Variants in SIPA1L3 observed in about 807,000 individuals in gnomAD.
SIPA1L3 encodes signal induced proliferation associated 1 like 3.
In SIPA1L3, 59 loss-of-function variants were observed where a neutral mutation model predicts 150.1. That is an observed-to-expected ratio of 0.39 (90% CI 0.32 to 0.49). The LOEUF (loss-of-function observed/expected upper bound fraction) is 0.49, where lower values mean the gene tolerates loss of function less well. SIPA1L3 is among the 20% of genes least tolerant of loss of function. SIPA1L3 has a pLI of 0.86. For synonymous variants in SIPA1L3, 1,070 were observed against 1,077.6 expected (o/e 0.99, Z 0.14); for missense variants, 2,211 against 2,489.5 (o/e 0.89, Z 2.38).
At chr19:38,106,426 A>G (rs1447294006) in intron 6 of SIPA1L3, 111 bp from the exon 7 acceptor site, 1 of 783,326 alleles carries the variant, frequency 1.3e-6, no homozygotes, top group Non-Finnish European at 2.3e-6. Flanking sequence ...AATTTTTAAG[A>G]GTAGATTGAA....
At chr19:38,145,161 A>G (rs1192252763) in intron 12 of SIPA1L3, among the ~76,000 whole-genome samples, 1 of 152,036 alleles carries the variant, frequency 6.6e-6, no homozygotes. Context: ...GTTTTCTCCT[A>G]AAGTCTTGGT....
intron 17 of SIPA1L3, 121 bp from the exon 18 acceptor site, chr19:38,193,416 A>G (rs1314319799): frequency 5.1e-6 from 6 of 1,183,202 alleles, no homozygotes; most frequent in Non-Finnish European, 6.5e-6. Flanking sequence ...GAAATGGGGC[A>G]GAAATGGATG....
Position 38,168,517 on chromosome 19 carries a change from G to T in SIPA1L3, c.4208+3611G>T, listed in dbSNP as rs189479923. On this transcript the variant is annotated intron_variant, in intron 15 of 21. Coordinates refer to ENST00000222345, the MANE Select transcript of SIPA1L3 (RefSeq NM_015073.3). ...TGTGGAAAAAAAAACAAAAACCTGT[G>T]CCACGAAGAGGGACATGAAGCCAAG... 4.4e-3 allele frequency among the ~76,000 whole-genome samples: 666 copies of T among 152,132 alleles called. 13 individuals are homozygous for T. The highest frequency in any genetic ancestry group is 0.04 in the Admixed American group (611 of 15,264).
chr19:38,137,819 A>G (rs1971468524), intron 10 of SIPA1L3, among the ~76,000 whole-genome samples: 1 of 152,060 alleles, frequency 6.6e-6, no homozygotes, highest in African/African-American at 2.4e-5. Context: ...CTCTTAGCCC[A>G]AGATGAAGCC....
At chr19:38,041,255 C>T (rs180878095) in intron 2 of SIPA1L3, among the ~76,000 whole-genome samples, 3,485 of 147,450 alleles carry the variant, frequency 0.024, 69 homozygotes, top group Middle Eastern at 0.081. Flanking sequence ...TACAGGCACC[C>T]GCCAACACGC....
At chr19:38,141,710 C>A (rs376519495) in intron 11 of SIPA1L3, among the ~76,000 whole-genome samples, 1 of 152,166 alleles carries the variant, frequency 6.6e-6, no homozygotes, top group African/African-American at 2.4e-5. Context: ...AGGCTGGGCA[C>A]GGTGGCTCAC....
At chr19:37,976,312 G>A (rs1029599366) in intron 1 of SIPA1L3, among the ~76,000 whole-genome samples, 2 of 152,160 alleles carry the variant, frequency 1.3e-5, no homozygotes, top group African/African-American at 4.8e-5. Context: ...GTGGAAAGAT[G>A]GCTGCTCTTG....
chr19:38,018,764 A>G (rs530786820), intron 1 of SIPA1L3, among the ~76,000 whole-genome samples: 3 of 152,140 alleles, frequency 2.0e-5, no homozygotes, highest in Non-Finnish European at 4.4e-5. Flanking sequence ...CACTGAACTT[A>G]TATATGTACC....
chr19:37,959,685 C>G, intron 1 of SIPA1L3, among the ~76,000 whole-genome samples: 1 of 152,168 alleles, frequency 6.6e-6, no homozygotes, highest in Non-Finnish European at 1.5e-5. Context: ...GGATTAACAT[C>G]TGTCATTTTT....
At chr19:37,953,146 C>T (rs993167222) in intron 1 of SIPA1L3, among the ~76,000 whole-genome samples, 4 of 152,202 alleles carry the variant, frequency 2.6e-5, no homozygotes, top group African/African-American at 9.7e-5. Context: ...ATGGCGTGAA[C>T]CCGCATTCTC....
chr19:37,988,040 G>A (rs573284515), intron 1 of SIPA1L3, among the ~76,000 whole-genome samples: 1 of 152,230 alleles, frequency 6.6e-6, no homozygotes, highest in African/African-American at 2.4e-5. Context: ...CCCCCTGCTG[G>A]TCCTGTCTGT....
At chr19:37,993,614 A>T (rs1967565744) in intron 1 of SIPA1L3, among the ~76,000 whole-genome samples, 1 of 152,210 alleles carries the variant, frequency 6.6e-6, no homozygotes. Context: ...GTTCAGGGGA[A>T]CAGATCCCTA....
At chr19:38,133,398 G>C (rs192471371) in intron 10 of SIPA1L3, among the ~76,000 whole-genome samples, 15 of 152,346 alleles carry the variant, frequency 9.8e-5, no homozygotes, top group Non-Finnish European at 1.8e-4. Context: ...CTTTCTTTCA[G>C]TAACCGTTTA....
chr19:37,993,514 GT>G (rs1967563242), intron 1 of SIPA1L3, among the ~76,000 whole-genome samples: 1 of 152,052 alleles, frequency 6.6e-6, no homozygotes, highest in African/African-American at 2.4e-5. Context: ...TGTATTTTTA[GT>G]AGAGACAGCG....
chr19:38,128,745 A>C (rs1971237088), intron 9 of SIPA1L3, among the ~76,000 whole-genome samples: 1 of 152,020 alleles, frequency 6.6e-6, no homozygotes, highest in Non-Finnish European at 1.5e-5. Flanking sequence ...AAAAGTACCA[A>C]AATTAGCTGG....
At chr19:38,101,551 C>T (rs1005680830) in intron 6 of SIPA1L3, among the ~76,000 whole-genome samples, 4 of 152,144 alleles carry the variant, frequency 2.6e-5, no homozygotes. Flanking sequence ...GCTGTGACTA[C>T]AGGTGTGCAC....
At chr19:38,007,771 A>G (rs866551654) in intron 1 of SIPA1L3, among the ~76,000 whole-genome samples, 96 of 152,192 alleles carry the variant, frequency 6.3e-4, no homozygotes, top group African/African-American at 2.2e-3. Flanking sequence ...ATGTGTGTGC[A>G]TGTATGATTT....
intron 4 of SIPA1L3, among the ~76,000 whole-genome samples, chr19:38,092,415 G>A (rs1332175729): frequency 6.6e-6 from 1 of 151,164 alleles, no homozygotes; most frequent in Non-Finnish European, 1.5e-5. Flanking sequence ...TGAGAGTCGT[G>A]AGACTTTAGT....
intron 15 of SIPA1L3, among the ~76,000 whole-genome samples, chr19:38,167,247 A>AAAAAAAAAAAG: frequency 6.6e-6 from 1 of 151,748 alleles, no homozygotes; most frequent in East Asian, 1.9e-4. Flanking sequence ...AAAAAAAAAA[A>AAAAAAAAAAAG]AGGTGAAGCA....
Sources: gnomAD v4.1 joint callset for allele counts (sites outside exome capture counted in the v4.1 genomes callset) on GRCh38, gnomAD v4.1.1 for gene constraint, MANE v1.5 for transcripts, NCBI Gene and HGNC (gene_info 2026-07-23, HGNC 2026-07-21) for gene names.